Variants in SGCD observed in about 807,000 individuals in gnomAD.
SGCD encodes delta-sarcoglycan.
SGCD carries 18 observed loss-of-function variants against 36.6 expected under a neutral mutation model. The observed-to-expected ratio is 0.49, with a 90% CI of 0.34 to 0.73. The LOEUF is 0.73. SGCD is among the 30% of genes least tolerant of loss of function. SGCD has a pLI of 0.01. For missense variants in SGCD, 387 were observed against 346.7 expected (o/e 1.12, Z -0.92); for synonymous variants, 133 against 130.6 (o/e 1.02, Z -0.12).
intron 3 of SGCD, among the ~76,000 whole-genome samples, chr5:156,180,833 T>G (rs1763589693): frequency 7.3e-6 from 1 of 137,798 alleles, no homozygotes; most frequent in Non-Finnish European, 1.6e-5. Context: ...TGGGACAAGT[T>G]AAGGGGAAGG....
At chr5:156,689,537 A>G (rs1199529803) in intron 7 of SGCD, among the ~76,000 whole-genome samples, 1 of 152,228 alleles carries the variant, frequency 6.6e-6, no homozygotes, top group African/African-American at 2.4e-5. Flanking sequence ...CATTTAAAAA[A>G]TGACGAAATT....
At chr5:156,430,480 A>G (rs1226517346) in intron 3 of SGCD, among the ~76,000 whole-genome samples, 2 of 151,688 alleles carry the variant, frequency 1.3e-5, no homozygotes, top group African/African-American at 4.8e-5. Flanking sequence ...GGAATTCTTT[A>G]TTGGAAATTC....
At chr5:156,175,523 T>A (rs1326441038) in intron 3 of SGCD, among the ~76,000 whole-genome samples, 1 of 152,202 alleles carries the variant, frequency 6.6e-6, no homozygotes, top group Non-Finnish European at 1.5e-5. Context: ...TCAATCCCAT[T>A]CTTTACTTAG....
the SGCD span, among the ~76,000 whole-genome samples, chr5:155,788,733 G>T: frequency 6.6e-6 from 1 of 152,106 alleles, no homozygotes; most frequent in Non-Finnish European, 1.5e-5. Flanking sequence ...ATATGACATT[G>T]TCTTTGCTTT....
chr5:156,422,696 G>A (rs1008375395), intron 3 of SGCD, among the ~76,000 whole-genome samples: 2 of 151,988 alleles, frequency 1.3e-5, no homozygotes, highest in East Asian at 3.9e-4. Flanking sequence ...TAACTCTGTT[G>A]TGGTACATAT....
At chr5:156,730,737 C>T (rs1180533947) in intron 7 of SGCD, among the ~76,000 whole-genome samples, 1 of 152,034 alleles carries the variant, frequency 6.6e-6, no homozygotes, top group African/African-American at 2.4e-5. Flanking sequence ...TGGGTATATA[C>T]CCTGTAATGG....
intron 3 of SGCD, among the ~76,000 whole-genome samples, chr5:156,416,604 G>A (rs532545546): frequency 6.6e-6 from 1 of 152,298 alleles, no homozygotes; most frequent in African/African-American, 2.4e-5. Context: ...CATTTAATAA[G>A]GATCCCACTG....
At chr5:156,618,594 A>G (rs74597138) in intron 6 of SGCD, among the ~76,000 whole-genome samples, 1 of 146,750 alleles carries the variant, frequency 6.8e-6, no homozygotes, top group Non-Finnish European at 1.5e-5. Flanking sequence ...ATAATTCTCA[A>G]AAAAAAAAAA....
chr5:156,344,462 GCTT>G, intron 2 of SGCD, 24 bp from the exon 3 acceptor site: 1 of 1,485,936 alleles, frequency 6.7e-7, no homozygotes, highest in Non-Finnish European at 9.0e-7. Flanking sequence ...TAATGTGAGT[GCTT>G]CTCTCTTGCC....
chr5:156,362,613 G>A (rs946456844), intron 3 of SGCD, among the ~76,000 whole-genome samples: 2 of 152,118 alleles, frequency 1.3e-5, no homozygotes, highest in African/African-American at 4.8e-5. Flanking sequence ...GCCACTGCAT[G>A]CCATCCTGGT....
At chr5:156,222,931 A>T (rs374194024) in intron 3 of SGCD, among the ~76,000 whole-genome samples, 127 of 152,272 alleles carry the variant, frequency 8.3e-4, no homozygotes, top group African/African-American at 3.0e-3. Context: ...ATTGTTTTAA[A>T]GATGGGTTTC....
chr5:156,544,062 A>G (rs959242561), intron 4 of SGCD, among the ~76,000 whole-genome samples: 2 of 152,228 alleles, frequency 1.3e-5, no homozygotes, highest in Non-Finnish European at 1.5e-5. Context: ...ATGTTTATAC[A>G]CAGAAGTGAG....
intron 3 of SGCD, among the ~76,000 whole-genome samples, chr5:156,185,134 G>T (rs1763703798): frequency 6.6e-6 from 1 of 151,118 alleles, no homozygotes; most frequent in Admixed American, 6.6e-5. Context: ...GGTTCTAAAT[G>T]TTCCTTCAGT....
At chr5:155,893,963 AT>A (rs571959016) in intron 1 of SGCD, among the ~76,000 whole-genome samples, 1 of 152,246 alleles carries the variant, frequency 6.6e-6, no homozygotes, top group Non-Finnish European at 1.5e-5. Flanking sequence ...ATATCTAAAA[AT>A]AGAAAAGGTA....
At position 156,445,934 on chromosome 5, in the gene SGCD, G is replaced by A. The variant is rs144546993; in HGVS notation, c.193-62667G>A. On this transcript the variant is annotated intron_variant, in intron 3 of 8. Transcript: ENST00000337851. Reference sequence around the variant, plus strand: ...CAAATGTCAGGGGAATATGTACTATGTAACCTGTACTGTGCTAGTTGCCAG... The same window carrying A: ...CAAATGTCAGGGGAATATGTACTATATAACCTGTACTGTGCTAGTTGCCAG... Among the ~76,000 whole-genome samples the A allele has an allele frequency of 3.9e-5, 6 of 152,206 alleles. No individual in the cohort carries two copies. In the East Asian group the frequency reaches 9.7e-4, roughly 25 times the overall value.
chr5:156,391,412 C>T (rs1046107383), intron 3 of SGCD, among the ~76,000 whole-genome samples: 4 of 152,124 alleles, frequency 2.6e-5, no homozygotes, highest in Non-Finnish European at 4.4e-5. Context: ...ACAGTCAGCC[C>T]TCTGTATCTG....
intron 4 of SGCD, among the ~76,000 whole-genome samples, chr5:156,538,333 T>C (rs1333349276): frequency 6.6e-6 from 1 of 152,148 alleles, no homozygotes; most frequent in East Asian, 1.9e-4. Context: ...TGTTGCTTGT[T>C]TTTGATACCT....
chr5:155,940,875 CAA>C (rs201807136), intron 1 of SGCD, among the ~76,000 whole-genome samples: 5 of 89,772 alleles, frequency 5.6e-5, no homozygotes, highest in African/African-American at 1.7e-4. Context: ...ACAACAACAA[CAA>C]AAAAAACATT....
chr5:156,340,478 A>G (rs931064420), intron 2 of SGCD, among the ~76,000 whole-genome samples: 10 of 152,170 alleles, frequency 6.6e-5, no homozygotes, highest in African/African-American at 1.9e-4. Flanking sequence ...ATGTACCTCT[A>G]CTGGGAAGTG....
Sources: allele counts gnomAD v4.1 joint callset (sites outside exome capture counted in the v4.1 genomes callset), GRCh38; gene constraint gnomAD v4.1.1; transcripts MANE v1.5; gene names NCBI Gene and HGNC (gene_info 2026-07-23, HGNC 2026-07-21).